The following MAPK9 variants were observed in gnomAD, a reference collection of about 807,000 sequenced individuals.
MAPK9 encodes Jun kinase.
Under a neutral mutation model 57.1 loss-of-function variants are expected in MAPK9, and 30 were observed. The ratio of observed to expected loss-of-function variants is 0.53; its 90% CI spans 0.39 to 0.71. MAPK9 has a LOEUF of 0.71. MAPK9 is among the 30% of genes least tolerant of loss of function. MAPK9 has a pLI of 0.00. For missense variants in MAPK9, 362 were observed against 521.0 expected, an observed-to-expected ratio of 0.69 and a Z score of 2.97; for synonymous variants, 155 against 177.0, an observed-to-expected ratio of 0.88 and a Z score of 0.99.
chr5:180,285,423 C>T (rs1245336903), intron 1 of MAPK9, among the ~76,000 whole-genome samples: 1 of 152,198 alleles, frequency 6.6e-6, no homozygotes, highest in Non-Finnish European at 1.5e-5. Context: ...CTGACTCCCC[C>T]TACCAAAACC....
At chr5:180,253,326 C>T (rs540466166) in intron 5 of MAPK9, among the ~76,000 whole-genome samples, 63 of 152,360 alleles carry the variant, frequency 4.1e-4, no homozygotes, top group Middle Eastern at 3.4e-3. Context: ...TCTAACCCAC[C>T]GTGGCATGCG....
intron 5 of MAPK9, among the ~76,000 whole-genome samples, chr5:180,257,421 G>A (rs749833779): frequency 5.9e-5 from 9 of 152,230 alleles, no homozygotes; most frequent in Non-Finnish European, 1.2e-4. Flanking sequence ...TCAGCAAAAA[G>A]ATGACCTCTT....
chr5:180,239,496 G>A (rs1211856380), intron 10 of MAPK9, among the ~76,000 whole-genome samples: 3 of 152,134 alleles, frequency 2.0e-5, no homozygotes, highest in African/African-American at 7.2e-5. Context: ...TTCATTACAG[G>A]TATAGTTTGT....
chr5:180,250,960 C>T (rs1026809441), intron 5 of MAPK9, among the ~76,000 whole-genome samples: 4 of 152,130 alleles, frequency 2.6e-5, no homozygotes, highest in Admixed American at 6.5e-5. Flanking sequence ...TGAACGAATT[C>T]GCTTCTTGTT....
At chr5:180,237,493 C>G (rs1318263759) in intron 11 of MAPK9, 1 of 152,062 alleles carries the variant, frequency 6.6e-6, no homozygotes, top group Non-Finnish European at 1.5e-5. Context: ...CTATGAAGAT[C>G]AGTAGATCAA....
rs1445082775 is a variant in MAPK9 at position 180,280,517 on chromosome 5, C to G, written c.45G>C (p.Val15=). The G allele has an allele frequency of 6.2e-7, 1 of 1,614,222 alleles. No individual in the cohort carries two copies. The highest frequency in any genetic ancestry group is 2.2e-5 in the East Asian group (1 of 44,882). Residue 15 remains valine (V), a synonymous_variant, in exon 2 of 12, where the codon GTG becomes GTC. Transcript: ENST00000452135. ...TTAGGACAGTGAAGGTTGAGTCTGC[C>G]ACTTGCACACTATAAAACTGACTGT... The part of the protein sequence containing the change: ...KCDSQFYSVQ[V]ADSTFTVLKR...
chr5:180,267,355 A>C (rs1487351991), intron 3 of MAPK9, among the ~76,000 whole-genome samples: 1 of 152,036 alleles, frequency 6.6e-6, no homozygotes, highest in Non-Finnish European at 1.5e-5. Context: ...AGGTCAGGAG[A>C]TCGAGACCAT....
intron 1 of MAPK9, among the ~76,000 whole-genome samples, chr5:180,287,443 T>C (rs1762873078): frequency 6.6e-6 from 1 of 152,238 alleles, no homozygotes; most frequent in African/African-American, 2.4e-5. Context: ...TTGTTGAAAG[T>C]GTGCAGTGAT....
chr5:180,269,447 G>T (rs749574533), intron 2 of MAPK9, 38 bp from the exon 3 acceptor site: 2 of 1,591,732 alleles, frequency 1.3e-6, no homozygotes, highest in East Asian at 2.3e-5. Flanking sequence ...CCATTAGAAC[G>T]GTTTTGGAAA....
At chr5:180,248,013 C>A in intron 6 of MAPK9, 1 of 1,285,296 alleles carries the variant, frequency 7.8e-7, no homozygotes, top group Non-Finnish European at 1.1e-6. Context: ...CGGTACACGT[C>A]ACTAGCTTGC....
intron 3 of MAPK9, among the ~76,000 whole-genome samples, chr5:180,265,915 G>T (rs1054650343): frequency 5.9e-5 from 9 of 151,946 alleles, no homozygotes; most frequent in Non-Finnish European, 1.3e-4. Context: ...TAAAACCTCA[G>T]AATATAGATA....
intron 2 of MAPK9, among the ~76,000 whole-genome samples, chr5:180,279,572 C>T (rs142519917): frequency 1.3e-5 from 2 of 152,108 alleles, no homozygotes; most frequent in African/African-American, 4.8e-5. Context: ...ACTAGAGCAT[C>T]GAAAAGAGCT....
At chr5:180,282,999 G>C in intron 1 of MAPK9, among the ~76,000 whole-genome samples, 1 of 152,164 alleles carries the variant, frequency 6.6e-6, no homozygotes, top group South Asian at 2.1e-4. Flanking sequence ...GAGAAAAGGA[G>C]GCCAGATCAC....
chr5:180,252,285 T>G (rs1030399595), intron 5 of MAPK9, among the ~76,000 whole-genome samples: 2 of 152,156 alleles, frequency 1.3e-5, no homozygotes, highest in Non-Finnish European at 1.5e-5. Flanking sequence ...CCCATCAACA[T>G]GCCAGACCTG....
chr5:180,240,797 A>T (rs1044293037), intron 9 of MAPK9, among the ~76,000 whole-genome samples: 1 of 152,142 alleles, frequency 6.6e-6, no homozygotes, highest in Non-Finnish European at 1.5e-5. Flanking sequence ...CATTTGCAAA[A>T]TGGAGACTGG....
intron 7 of MAPK9, 137 bp from the exon 8 acceptor site, chr5:180,242,892 C>T: frequency 1.7e-6 from 1 of 605,752 alleles, no homozygotes; most frequent in South Asian, 3.0e-5. Context: ...AAATAATATT[C>T]AAATAAGGTT....
intron 5 of MAPK9, among the ~76,000 whole-genome samples, chr5:180,259,635 G>A (rs1024386542): frequency 6.6e-5 from 10 of 152,118 alleles, no homozygotes; most frequent in African/African-American, 2.4e-4. Flanking sequence ...TGACTGTAAG[G>A]AATGTGGTCA....
intron 2 of MAPK9, among the ~76,000 whole-genome samples, chr5:180,273,646 T>G (rs1761564855): frequency 6.6e-6 from 1 of 152,260 alleles, no homozygotes; most frequent in South Asian, 2.1e-4. Flanking sequence ...TTTACAGCAA[T>G]TCAACTGACA....
intron 5 of MAPK9, among the ~76,000 whole-genome samples, chr5:180,251,134 G>A (rs1561796911): frequency 6.6e-6 from 1 of 152,252 alleles, no homozygotes. Flanking sequence ...AGCAGACTCG[G>A]TGCTGGCGGG....
Sources: gnomAD v4.1 joint callset for allele counts (sites outside exome capture counted in the v4.1 genomes callset) on GRCh38, gnomAD v4.1.1 for gene constraint, MANE v1.5 for transcripts, NCBI Gene and HGNC (gene_info 2026-07-23, HGNC 2026-07-21) for gene names.